The following NELL2 variants were observed in gnomAD, a reference collection of about 807,000 sequenced individuals.
NELL2 encodes protein kinase C-binding protein NELL2.
In NELL2, 41 loss-of-function variants were observed where a neutral mutation model predicts 109.6. That is an observed-to-expected ratio of 0.37 (90% CI 0.29 to 0.49). NELL2 has a LOEUF of 0.49. Among genes scored for constraint, NELL2 ranks in the 20% least tolerant of loss-of-function variants. The pLI is 0.98. For missense variants in NELL2, 900 were observed against 1,008.3 expected (o/e 0.89, Z 1.45); for synonymous variants, 355 against 344.7 (o/e 1.03, Z -0.33).
chr12:44,672,555 C>A (rs1202027142), intron 12 of NELL2, among the ~76,000 whole-genome samples: 1 of 152,192 alleles, frequency 6.6e-6, no homozygotes, highest in Non-Finnish European at 1.5e-5. Flanking sequence ...CCTACCCCAG[C>A]AGAAGTAGCT....
intron 3 of NELL2, among the ~76,000 whole-genome samples, chr12:44,803,456 G>T (rs1288382474): frequency 6.6e-6 from 1 of 151,990 alleles, no homozygotes; most frequent in Non-Finnish European, 1.5e-5. Flanking sequence ...GTGATGAAGT[G>T]TCTTGTCAGT....
intron 15 of NELL2, among the ~76,000 whole-genome samples, chr12:44,582,230 G>C (rs1944348593): frequency 6.6e-6 from 1 of 152,148 alleles, no homozygotes; most frequent in African/African-American, 2.4e-5. Context: ...AGGAATGGTA[G>C]CTCTGCTTGC....
At chr12:44,690,344 A>G (rs1371178019) in intron 12 of NELL2, among the ~76,000 whole-genome samples, 1 of 152,238 alleles carries the variant, frequency 6.6e-6, no homozygotes, top group Non-Finnish European at 1.5e-5. Flanking sequence ...TGATAAATTA[A>G]TAAACTCTAC....
At chr12:44,569,259 A>G (rs1245181482) in intron 15 of NELL2, among the ~76,000 whole-genome samples, 4 of 152,122 alleles carry the variant, frequency 2.6e-5, no homozygotes, top group African/African-American at 9.7e-5. Context: ...TATATGTACC[A>G]CATTTTCCTT....
intron 15 of NELL2, among the ~76,000 whole-genome samples, chr12:44,599,670 ATT>A (rs893418834): frequency 6.6e-6 from 1 of 152,192 alleles, no homozygotes; most frequent in African/African-American, 2.4e-5. Flanking sequence ...AGGGATAAAT[ATT>A]GAGTGGATTC....
chr12:44,689,513 C>T (rs1948834864), intron 12 of NELL2, among the ~76,000 whole-genome samples: 1 of 152,130 alleles, frequency 6.6e-6, no homozygotes, highest in African/African-American at 2.4e-5. Flanking sequence ...GTGTTGAAAC[C>T]AACCCACAGG....
chr12:44,566,371 C>T (rs534932643), intron 15 of NELL2, among the ~76,000 whole-genome samples: 64 of 152,074 alleles, frequency 4.2e-4, no homozygotes, highest in Non-Finnish European at 7.2e-4. Context: ...TTCACCTATA[C>T]CTCTAAATAA....
At chr12:44,911,007 A>G (rs411672) in intron 1 of NELL2, among the ~76,000 whole-genome samples, 2,749 of 151,934 alleles carry the variant, frequency 0.018, 97 homozygotes, top group African/African-American at 0.063. Context: ...TAGATGGGGG[A>G]GGTAGGGAGG....
At chr12:44,735,534 T>G (rs1939595509) in intron 9 of NELL2, among the ~76,000 whole-genome samples, 1 of 152,210 alleles carries the variant, frequency 6.6e-6, no homozygotes. Flanking sequence ...AATTCCAGCT[T>G]ATTGTGATGA....
intron 13 of NELL2, among the ~76,000 whole-genome samples, chr12:44,661,149 C>A (rs1354459572): frequency 1.3e-5 from 2 of 152,110 alleles, no homozygotes; most frequent in Non-Finnish European, 2.9e-5. Context: ...ATACAACTTC[C>A]TAAATACACT....
upstream of NELL2, among the ~76,000 whole-genome samples, chr12:44,878,802 T>A (rs1184001437): frequency 2.0e-5 from 3 of 152,188 alleles, no homozygotes; most frequent in Non-Finnish European, 1.5e-5. Context: ...AAACTCCTTT[T>A]AGACAATGTT....
At chr12:44,685,826 T>C (rs1948697179) in intron 12 of NELL2, among the ~76,000 whole-genome samples, 2 of 152,154 alleles carry the variant, frequency 1.3e-5, no homozygotes, top group Admixed American at 1.3e-4. Context: ...TAACCCGACC[T>C]TTCTCTCTGG....
intron 18 of NELL2, among the ~76,000 whole-genome samples, chr12:44,520,614 A>G (rs916569727): frequency 6.6e-6 from 1 of 152,082 alleles, no homozygotes; most frequent in Non-Finnish European, 1.5e-5. Context: ...TTTCTAACCT[A>G]TTATTAATTC....
At chr12:44,568,766 C>T (rs978839777) in intron 15 of NELL2, among the ~76,000 whole-genome samples, 2 of 151,950 alleles carry the variant, frequency 1.3e-5, no homozygotes, top group East Asian at 3.9e-4. Context: ...TACACATATA[C>T]ATTATATATG....
At chr12:44,518,796 T>C (rs1941396457) in intron 19 of NELL2, among the ~76,000 whole-genome samples, 1 of 152,198 alleles carries the variant, frequency 6.6e-6, no homozygotes, top group Admixed American at 6.5e-5. Context: ...AGTTTCAAGA[T>C]ATGCACTATT....
chr12:44,599,107 C>A (rs1252477812), intron 15 of NELL2, among the ~76,000 whole-genome samples: 1 of 152,044 alleles, frequency 6.6e-6, no homozygotes, highest in Non-Finnish European at 1.5e-5. Flanking sequence ...CCTGCTACAC[C>A]TGCGGAAACA....
At chr12:44,565,311 TA>T (rs1052910364) in intron 15 of NELL2, among the ~76,000 whole-genome samples, 8 of 152,168 alleles carry the variant, frequency 5.3e-5, no homozygotes, top group African/African-American at 1.9e-4. Flanking sequence ...AAGTTGCACA[TA>T]ATAACGATTA....
intron 13 of NELL2, among the ~76,000 whole-genome samples, chr12:44,659,029 G>T (rs949561770): frequency 9.2e-5 from 14 of 151,926 alleles, no homozygotes; most frequent in African/African-American, 3.4e-4. Flanking sequence ...CAGAACACAG[G>T]CCTCAGAAAT....
chr12:44,816,992 A>C (rs1311186219), intron 2 of NELL2, among the ~76,000 whole-genome samples: 1 of 152,238 alleles, frequency 6.6e-6, no homozygotes, highest in Non-Finnish European at 1.5e-5. Flanking sequence ...TTGACGAGAG[A>C]TAGACATGTA....
Sources: gnomAD v4.1 joint callset for allele counts (sites outside exome capture counted in the v4.1 genomes callset) on GRCh38, gnomAD v4.1.1 for gene constraint, MANE v1.5 for transcripts, NCBI Gene and HGNC (gene_info 2026-07-23, HGNC 2026-07-21) for gene names.